The following CPNE5 variants were observed in gnomAD, a reference collection of about 807,000 sequenced individuals.
CPNE5 encodes the protein copine-5.
A neutral mutation model predicts 81.1 loss-of-function variants in CPNE5; 42 were observed. That is an observed-to-expected ratio of 0.52 (90% CI 0.40 to 0.67). The LOEUF is 0.67. Ranked by LOEUF, CPNE5 falls within the 30% of genes least tolerant of loss-of-function variation. CPNE5 has a pLI of 0.00. For synonymous variants in CPNE5, 313 were observed against 321.5 expected, an observed-to-expected ratio of 0.97 and a Z score of 0.28; for missense variants, 612 against 815.5, an observed-to-expected ratio of 0.75 and a Z score of 3.04.
intron 1 of CPNE5, among the ~76,000 whole-genome samples, chr6:36,828,332 A>C (rs1772692527): frequency 6.6e-6 from 1 of 150,548 alleles, no homozygotes; most frequent in African/African-American, 2.4e-5. Flanking sequence ...AAAAAAAAGA[A>C]AGGTATGGGT....
At chr6:36,781,282 C>T (rs942731900) in intron 8 of CPNE5, among the ~76,000 whole-genome samples, 1 of 152,080 alleles carries the variant, frequency 6.6e-6, no homozygotes, top group Non-Finnish European at 1.5e-5. Flanking sequence ...AATCCTGGAG[C>T]CTCCAGAGAA....
chr6:36,760,819 G>A (rs1479040726), intron 12 of CPNE5, among the ~76,000 whole-genome samples: 1 of 152,160 alleles, frequency 6.6e-6, no homozygotes, highest in African/African-American at 2.4e-5. Context: ...GCAATGCCAG[G>A]GCCCGAGGCA....
At chr6:36,777,345 C>T (rs1353695296) in intron 9 of CPNE5, among the ~76,000 whole-genome samples, 3 of 151,740 alleles carry the variant, frequency 2.0e-5, no homozygotes, top group African/African-American at 7.3e-5. Flanking sequence ...CGAGGCTCTC[C>T]CTTTCCCCGC....
chr6:36,762,089 A>G (rs1048853462), intron 12 of CPNE5, among the ~76,000 whole-genome samples: 2 of 151,928 alleles, frequency 1.3e-5, no homozygotes, highest in Non-Finnish European at 2.9e-5. Context: ...CTGTCTCTAC[A>G]AGAAATTTAA....
At chr6:36,765,842 C>T (rs1766516665) in intron 10 of CPNE5, among the ~76,000 whole-genome samples, 1 of 151,524 alleles carries the variant, frequency 6.6e-6, no homozygotes, top group Non-Finnish European at 1.5e-5. Flanking sequence ...CAGCCCTGCA[C>T]GTCAGGGAGG....
rs202094693 is a variant in CPNE5, at chr6:36,763,019, C to T, written c.780-27G>A. ...TGCAAGGGAAGACGGCTGCTGAGAC[C>T]AAGGCCAGGCTGTGCCCTGCCTCTG... is the stretch of plus-strand genomic sequence containing the variant. On this transcript the variant is annotated intron_variant, in intron 11 of 20. Coordinates refer to ENST00000244751, the MANE Select transcript of CPNE5 (RefSeq NM_020939.2). 7.2e-5 allele frequency: 116 copies of T among 1,605,188 alleles called. 1 individual carries two copies. In the East Asian group the frequency reaches 2.2e-3, roughly 31 times the overall value.
chr6:36,795,717 T>C (rs1311688663), intron 6 of CPNE5, among the ~76,000 whole-genome samples: 1 of 152,210 alleles, frequency 6.6e-6, no homozygotes, highest in Non-Finnish European at 1.5e-5. Flanking sequence ...TCAATTTTTC[T>C]TATTTAAGCC....
chr6:36,749,124 T>C (rs1475267938), intron 14 of CPNE5, among the ~76,000 whole-genome samples: 1 of 151,566 alleles, frequency 6.6e-6, no homozygotes, highest in Non-Finnish European at 1.5e-5. Context: ...TTTGCAGAGA[T>C]GGGGTCTCAT....
At chr6:36,815,475 A>G (rs537920610) in intron 3 of CPNE5, among the ~76,000 whole-genome samples, 7 of 152,356 alleles carry the variant, frequency 4.6e-5, no homozygotes, top group African/African-American at 1.7e-4. Flanking sequence ...GAATGGGCTT[A>G]GAGTGTGTTC....
chr6:36,745,618 C>G (rs1246062555), intron 16 of CPNE5, 103 bp from the exon 17 acceptor site: 1 of 1,329,808 alleles, frequency 7.5e-7, no homozygotes, highest in Non-Finnish European at 1.0e-6. Flanking sequence ...GCCTGGGCTC[C>G]CCCAGGTCTT....
At chr6:36,750,605 G>A (rs531598472) in intron 14 of CPNE5, among the ~76,000 whole-genome samples, 79 of 152,330 alleles carry the variant, frequency 5.2e-4, no homozygotes, top group African/African-American at 1.7e-3. Context: ...AAGGCTTGAG[G>A]TTAGGGAATT....
intron 3 of CPNE5, among the ~76,000 whole-genome samples, chr6:36,803,918 A>G (rs1489779321): frequency 2.6e-5 from 4 of 152,190 alleles, no homozygotes; most frequent in Admixed American, 6.6e-5. Flanking sequence ...AGGTGATCGT[A>G]ATGTGCAGGT....
At chr6:36,786,795 C>T (rs774638872) in intron 8 of CPNE5, among the ~76,000 whole-genome samples, 5 of 152,132 alleles carry the variant, frequency 3.3e-5, no homozygotes, top group African/African-American at 4.8e-5. Flanking sequence ...AGAAAAATTA[C>T]GTACATGGAC....
intron 13 of CPNE5, 67 bp from the exon 14 acceptor site, chr6:36,753,162 G>A (rs1765029821): frequency 1.5e-6 from 2 of 1,317,000 alleles, no homozygotes; most frequent in Admixed American, 3.4e-5. Flanking sequence ...TATGATTCGA[G>A]AGCTGACATT....
At chr6:36,839,595 CGAG>C (rs1178895436), upstream of CPNE5, 4 of 360,610 alleles carry the variant, frequency 1.1e-5, no homozygotes, top group African/African-American at 2.3e-5. The surrounding 1 kb of genome is among the most constrained non-coding windows in gnomAD (Gnocchi z 7.3). Flanking sequence ...GGTGACGCCG[CGAG>C]GAGGCTAGGG....
chr6:36,798,194 G>A lies in CPNE5; in HGVS notation c.375C>T (p.Ser125=). 6.2e-7 allele frequency: 1 copy of A among 1,613,896 alleles called. No homozygotes were observed. Residue 125 remains serine (S), a synonymous_variant, in exon 6 of 21, where the codon TCC becomes TCT. Transcript: ENST00000244751. Reference sequence around the variant, plus strand: ...GGGGCTTTTCCAGGCGGCTCCCAGGGGACCCCACAATCTCTCCAAGGGTGC... The same window carrying A: ...GGGGCTTTTCCAGGCGGCTCCCAGGAGACCCCACAATCTCTCCAAGGGTGC... ...AFCTLGEIVG[S]PGSRLEKPLT...
chr6:36,815,062 G>A (rs1771420519), intron 3 of CPNE5, among the ~76,000 whole-genome samples: 1 of 151,856 alleles, frequency 6.6e-6, no homozygotes, highest in Non-Finnish European at 1.5e-5. Context: ...GGAGGCTGAG[G>A]CAGGAGAATC....
chr6:36,811,334 G>A (rs1771085155), intron 3 of CPNE5, among the ~76,000 whole-genome samples: 1 of 152,216 alleles, frequency 6.6e-6, no homozygotes, highest in Non-Finnish European at 1.5e-5. Context: ...TACTGTCAAT[G>A]GTTCCTTCCT....
upstream of CPNE5, chr6:36,839,610 C>T: frequency 4.5e-6 from 2 of 439,674 alleles, no homozygotes; most frequent in Admixed American, 4.1e-5. This position sits in a 1 kb window ranked among gnomAD's most constrained non-coding sequence, Gnocchi z 7.3. Context: ...AGGCTAGGGG[C>T]CCAGTGGGGA....
Sources: gnomAD v4.1 joint callset for allele counts (sites outside exome capture counted in the v4.1 genomes callset) on GRCh38, gnomAD v4.1.1 for gene constraint, Gnocchi (gnomAD v3.1) non-coding constraint, MANE v1.5 for transcripts, NCBI Gene and HGNC (gene_info 2026-07-23, HGNC 2026-07-21) for gene names.